TRNT1: variants seen among roughly 807,000 people sequenced by gnomAD.
The protein encoded by TRNT1 is CCA tRNA nucleotidyltransferase 1, mitochondrial.
In TRNT1, 44 loss-of-function variants were observed where a neutral mutation model predicts 45.6. The observed-to-expected ratio is 0.97, with a 90% CI of 0.76 to 1.24. The LOEUF (loss-of-function observed/expected upper bound fraction) is 1.24. TRNT1 is among the 50% of genes most tolerant of loss of function. The pLI, the probability that TRNT1 is intolerant of heterozygous loss-of-function variation, is 0.00. For synonymous variants in TRNT1, 201 were observed against 171.4 expected, an observed-to-expected ratio of 1.17 and a Z score of -1.35; for missense variants, 633 against 504.4, an observed-to-expected ratio of 1.25 and a Z score of -2.44.
At chr3:3,138,957 A>T (rs1037536600) in intron 3 of TRNT1, among the ~76,000 whole-genome samples, 1 of 152,176 alleles carries the variant, frequency 6.6e-6, no homozygotes, top group African/African-American at 2.4e-5. Flanking sequence ...CTCCCAGTCT[A>T]AGTCTCAGTA....
In TRNT1 at chr3:3,148,025, C is replaced by T; in HGVS notation, c.1176C>T (p.Asp392=). 1 of 1,613,922 alleles carries T rather than the reference C, an allele frequency of 6.2e-7. No homozygotes were observed. Among genetic ancestry groups the T allele is most frequent in the Non-Finnish European group, 8.5e-7 (1 of 1,179,876 alleles). ...SIPPFPVSGH[D]IRKVGISSGK... The stretch of plus-strand genomic sequence containing the variant: ...CTCCATTTCCTGTAAGTGGCCATGA[C>T]ATCAGAAAAGTGGGCATTTCTTCAG... The change falls in exon 8 of 8, where the codon GAC becomes GAT. Residue 392 remains aspartate (D), a synonymous_variant. Transcript: ENST00000251607.
At chr3:3,143,248 C>T (rs972922513) in intron 4 of TRNT1, among the ~76,000 whole-genome samples, 1 of 152,014 alleles carries the variant, frequency 6.6e-6, no homozygotes, top group Non-Finnish European at 1.5e-5. Context: ...GAAATACTTC[C>T]TTGGATGTAT....
chr3:3,147,522 C>T lies in TRNT1; in HGVS notation c.875C>T (p.Pro292Leu), dbSNP rs772529190. The change falls in exon 7 of 8, where the codon CCA (proline) becomes CTA (leucine). Residue 292 changes from proline (P) to leucine (L), a missense_variant. Coordinates refer to ENST00000251607, the MANE Select transcript of TRNT1 (RefSeq NM_182916.3). ...SKNVDGFSPK[P>L]VTLLASLFKV... ...AATGTTGATGGTTTTTCACCAAAGC[C>T]AGTGACTCTTTTGGCCTCATTATTC... The T allele has an allele frequency of 6.2e-7, 1 of 1,613,884 alleles. No individual in the cohort carries two copies. The highest frequency in any genetic ancestry group is 1.1e-5 in the South Asian group (1 of 91,068).
In TRNT1 at chr3:3,133,866, T is replaced by G. The variant is rs945523172; in HGVS notation, c.149-3394T>G. On this transcript the variant is annotated intron_variant, in intron 2 of 7. Transcript: ENST00000251607. ...ACTCATAGCTCCCACTCACTGCCCC[T>G]TACCCCACCCCAGCCTCCAGTCGTC... Among the ~76,000 whole-genome samples the G allele has an allele frequency of 3.9e-5, 6 of 151,952 alleles. No individual in the cohort carries two copies. In the East Asian group the frequency reaches 1.2e-3, roughly 30 times the overall value.
chr3:3,150,021 C>CACTT (rs1021081571), downstream of TRNT1: 6 of 152,090 alleles, frequency 3.9e-5, no homozygotes, highest in South Asian at 2.1e-4. Flanking sequence ...TTTAGTTTCA[C>CACTT]ACTTAAGGTT....
intron 2 of TRNT1, among the ~76,000 whole-genome samples, chr3:3,134,715 CT>C (rs199932775): frequency 0.011 from 1,655 of 151,910 alleles, 27 homozygotes; most frequent in Middle Eastern, 0.027. Context: ...TGAAGTCATT[CT>C]TTTTTTTAAT....
intron 2 of TRNT1, among the ~76,000 whole-genome samples, chr3:3,134,755 AT>A (rs1705223013): frequency 6.6e-6 from 1 of 152,156 alleles, no homozygotes; most frequent in Admixed American, 6.5e-5. Context: ...CAGTTTAATT[AT>A]GAGCCAGATT....
In TRNT1 at chr3:3,130,023, C is replaced by T. The variant is rs535095258; in HGVS notation, c.148+835C>T. On this transcript the variant is annotated intron_variant, in intron 2 of 7. Transcript: ENST00000251607. ...GAAGGAGCATAGGAAATGGCTTTAGCTAAGTGCCAGTAGCTTCTTGCTGTT... is the reference window on the plus strand; with the variant it reads ...GAAGGAGCATAGGAAATGGCTTTAGTTAAGTGCCAGTAGCTTCTTGCTGTT... 1.3e-5 allele frequency: 17 copies of T among 1,344,200 alleles called. No individual in the cohort carries two copies. In the African/African-American group the frequency reaches 1.7e-4, roughly 14 times the overall value. 83.3% of individuals were successfully genotyped at this position (1,344,200 alleles called of 1,614,324 possible). A position where few individuals can be genotyped will look rare whatever the true frequency, so the allele number is the denominator to read the frequency against.
At chr3:3,152,348 T>A (rs972600250), downstream of TRNT1, 1 of 1,222,008 alleles carries the variant, frequency 8.2e-7, no homozygotes, top group African/African-American at 1.5e-5. Context: ...CATTTGTCTG[T>A]CTACTTTTTA....
downstream of TRNT1, chr3:3,150,583 A>G (rs1289203689): frequency 3.3e-6 from 1 of 302,832 alleles, no homozygotes; most frequent in African/African-American, 2.2e-5. Flanking sequence ...TGTCCCATCA[A>G]TGACATGCTA....
chr3:3,135,728 G>A (rs927117483), intron 2 of TRNT1, among the ~76,000 whole-genome samples: 4 of 152,170 alleles, frequency 2.6e-5, no homozygotes, highest in Admixed American at 6.6e-5. Flanking sequence ...GTTTTGAGTT[G>A]TGATTAGAGG....
chr3:3,130,692 C>G (rs1704962389), intron 2 of TRNT1: 1 of 152,110 alleles, frequency 6.6e-6, no homozygotes, highest in African/African-American at 2.4e-5. Flanking sequence ...TTTGGTTCAT[C>G]TAATTTAATC....
intron 6 of TRNT1, 64 bp downstream of exon 6, chr3:3,146,687 A>C: frequency 7.2e-7 from 1 of 1,393,196 alleles, no homozygotes; most frequent in Non-Finnish European, 9.7e-7. Context: ...AAATTTCATA[A>C]GGAAAAAATG....
rs772110156 is a variant in TRNT1 at position 3,129,160 on chromosome 3, T to C, written c.120T>C (p.Leu40=). The change falls in exon 2 of 8, where the codon CTT becomes CTC. Residue 40 remains leucine (L), a synonymous_variant. Transcript: ENST00000251607. ...TGCAGTCTCCCGAATTCCAGTCACT[T>C]TTCACAGAAGGACTGAAGAGTCTGA... ...MKLQSPEFQS[L]FTEGLKSLTE... is the part of the protein sequence containing the mutation. 2.5e-6 allele frequency: 4 copies of C among 1,614,102 alleles called. No individual in the cohort carries two copies. The highest frequency in any genetic ancestry group is 3.4e-6 in the Non-Finnish European group (4 of 1,180,032).
chr3:3,131,405 T>C (rs932331423), intron 2 of TRNT1: 2 of 152,204 alleles, frequency 1.3e-5, no homozygotes, highest in African/African-American at 4.8e-5. Context: ...TTCTAAATAT[T>C]GATTACTATA....
At chr3:3,143,211 A>T (rs1307757740) in intron 4 of TRNT1, among the ~76,000 whole-genome samples, 2 of 152,100 alleles carry the variant, frequency 1.3e-5, no homozygotes, top group African/African-American at 4.8e-5. Flanking sequence ...CTCCATGGTA[A>T]CCAACTGTCT....
intron 2 of TRNT1, 77 bp from the exon 3 acceptor site, chr3:3,137,183 C>G (rs1705378169): frequency 8.2e-7 from 1 of 1,214,230 alleles, no homozygotes. Context: ...ATGGAAAAGC[C>G]TTGTACTTTT....
downstream of TRNT1, chr3:3,150,785 T>C (rs1222310280): frequency 1.5e-6 from 2 of 1,325,844 alleles, no homozygotes; most frequent in Admixed American, 3.8e-5. Flanking sequence ...TACTTAGGTA[T>C]GTATCAGAGG....
chr3:3,140,494 A>G lies in TRNT1; in HGVS notation c.343-16A>G. The G allele has an allele frequency of 1.2e-6, 2 of 1,609,768 alleles. No homozygotes were observed. Among genetic ancestry groups the G allele is most frequent in the Non-Finnish European group, 1.7e-6 (2 of 1,178,284 alleles). The stretch of plus-strand genomic sequence containing the variant: ...TAATTTAAATGACAACAAAAACCCC[A>G]TGTATTTAATTGCAGCTTCATGAAG... On this transcript the variant is annotated splice_polypyrimidine_tract_variant and intron_variant, in intron 3 of 7. Coordinates refer to ENST00000251607, the MANE Select transcript of TRNT1 (RefSeq NM_182916.3).
Sources: allele counts gnomAD v4.1 joint callset (sites outside exome capture counted in the v4.1 genomes callset), GRCh38; gene constraint gnomAD v4.1.1; transcripts MANE v1.5; gene names NCBI Gene and HGNC (gene_info 2026-07-23, HGNC 2026-07-21).